RBFOX1: variants seen among roughly 807,000 people sequenced by gnomAD.
RBFOX1 encodes RNA binding protein fox-1 homolog 1.
A neutral mutation model predicts 57.7 loss-of-function variants in RBFOX1; 8 were observed. That is an observed-to-expected ratio of 0.14 (90% confidence interval 0.08 to 0.25). RBFOX1 has a LOEUF of 0.25. Among genes scored for constraint, RBFOX1 ranks in the 10% least tolerant of loss-of-function variants. The probability of loss-of-function intolerance (pLI) is 1.00; values close to 1 mark genes in which losing one functional copy is unlikely to be tolerated. For missense variants in RBFOX1, 611 were observed against 548.5 expected, an observed-to-expected ratio of 1.11 and a Z score of -1.14; for synonymous variants, 326 against 222.4, an observed-to-expected ratio of 1.47 and a Z score of -4.15.
At chr16:6,521,157 A>G (rs2096489919) in intron 2 of RBFOX1, among the ~76,000 whole-genome samples, 1 of 152,166 alleles carries the variant, frequency 6.6e-6, no homozygotes, top group Admixed American at 6.5e-5. Context: ...AATTGTGAAT[A>G]AATGGGAGAA....
intron 1 of RBFOX1, among the ~76,000 whole-genome samples, chr16:5,272,613 G>T (rs185030931): frequency 2.3e-4 from 35 of 152,248 alleles, no homozygotes; most frequent in African/African-American, 7.5e-4. Flanking sequence ...TTTCATTTCC[G>T]GGAGCATACA....
intron 6 of RBFOX1, 24 bp downstream of exon 6, chr16:7,579,944 C>T: frequency 1.2e-6 from 2 of 1,612,036 alleles, no homozygotes; most frequent in South Asian, 1.1e-5. Context: ...TTCTTCCCAG[C>T]AGTGCCCGCT....
chr16:7,069,722 G>C (rs974939370), intron 4 of RBFOX1, among the ~76,000 whole-genome samples: 1 of 152,124 alleles, frequency 6.6e-6, no homozygotes, highest in Non-Finnish European at 1.5e-5. Context: ...CAGCATCGAG[G>C]TGTGTTCTGC....
intron 2 of RBFOX1, among the ~76,000 whole-genome samples, chr16:5,530,466 A>G (rs1054501384): frequency 3.9e-5 from 6 of 152,218 alleles, no homozygotes; most frequent in African/African-American, 1.4e-4. Flanking sequence ...ACAATAGGAC[A>G]TGCATTTCAC....
intron 4 of RBFOX1, among the ~76,000 whole-genome samples, chr16:7,197,097 T>A (rs1430335196): frequency 6.6e-6 from 1 of 152,172 alleles, no homozygotes; most frequent in Non-Finnish European, 1.5e-5. Context: ...TTACTCCTGT[T>A]CCATCTCTCC....
intron 4 of RBFOX1, among the ~76,000 whole-genome samples, chr16:7,451,418 A>G (rs573964415): frequency 2.4e-4 from 36 of 152,266 alleles, no homozygotes; most frequent in East Asian, 7.7e-4. Flanking sequence ...GGTTGAGGCA[A>G]TAGGTAAGTT....
intron 3 of RBFOX1, among the ~76,000 whole-genome samples, chr16:6,918,044 T>C (rs185496810): frequency 1.3e-5 from 2 of 152,100 alleles, no homozygotes; most frequent in Non-Finnish European, 2.9e-5. Flanking sequence ...CCCAGCACTT[T>C]GGGAGGTCGA....
intron 7 of RBFOX1, among the ~76,000 whole-genome samples, chr16:7,588,264 A>C (rs1360405631): frequency 1.3e-5 from 2 of 152,216 alleles, no homozygotes; most frequent in African/African-American, 2.4e-5. Flanking sequence ...ATCAGTGGCT[A>C]ACCAAGGGTG....
At chr16:6,020,178 C>A (rs141651044) in intron 1 of RBFOX1, among the ~76,000 whole-genome samples, 186 bp downstream of exon 1, 2 of 152,050 alleles carry the variant, frequency 1.3e-5, no homozygotes, top group Non-Finnish European at 2.9e-5. Flanking sequence ...CCCCCTACCC[C>A]CAGGAGGCCG....
intron 4 of RBFOX1, among the ~76,000 whole-genome samples, chr16:7,079,006 C>T (rs1009096691): frequency 6.0e-5 from 9 of 150,632 alleles, no homozygotes; most frequent in Non-Finnish European, 8.8e-5. Context: ...TATTGTGAGG[C>T]ACTGGGAGTT....
intron 14 of RBFOX1, among the ~76,000 whole-genome samples, chr16:7,706,790 T>C (rs1007354329): frequency 1.3e-5 from 2 of 152,156 alleles, no homozygotes; most frequent in African/African-American, 4.8e-5. Context: ...CATTCCCTCA[T>C]GAAATAAAGA....
At chr16:7,366,387 A>G (rs2097448234) in intron 4 of RBFOX1, among the ~76,000 whole-genome samples, 1 of 152,186 alleles carries the variant, frequency 6.6e-6, no homozygotes. Context: ...GTTTCCAGGG[A>G]AGCTGCGCCC....
intron 2 of RBFOX1, among the ~76,000 whole-genome samples, chr16:6,545,890 G>T (rs1426162787): frequency 6.6e-6 from 1 of 152,146 alleles, no homozygotes; most frequent in Non-Finnish European, 1.5e-5. Flanking sequence ...CTGATGCCAG[G>T]CCTAAAGCTC....
chr16:6,472,286 G>A (rs1054410749), intron 2 of RBFOX1, among the ~76,000 whole-genome samples: 2 of 152,178 alleles, frequency 1.3e-5, no homozygotes, highest in African/African-American at 4.8e-5. Flanking sequence ...GCAGCGTTAG[G>A]GAGAAATGAT....
chr16:5,534,561 G>T (rs2044620265), intron 2 of RBFOX1, among the ~76,000 whole-genome samples: 1 of 152,176 alleles, frequency 6.6e-6, no homozygotes, highest in African/African-American at 2.4e-5. Context: ...AAAGCAACCA[G>T]CGCAGGAGAA....
At chr16:6,336,293 G>C (rs1054152423) in intron 2 of RBFOX1, among the ~76,000 whole-genome samples, 1 of 139,734 alleles carries the variant, frequency 7.2e-6, no homozygotes, top group Non-Finnish European at 1.5e-5. Flanking sequence ...CCGCCTCCCA[G>C]GTTCACGCCA....
intron 1 of RBFOX1, among the ~76,000 whole-genome samples, chr16:6,223,106 T>G (rs4465610): frequency 0.97 from 139,596 of 144,658 alleles, 67,523 homozygotes; most frequent in East Asian, 1. Context: ...ATCATTGTTG[T>G]ACATTTGGGT....
At chr16:7,295,632 G>A (rs2095873697) in intron 4 of RBFOX1, among the ~76,000 whole-genome samples, 1 of 152,040 alleles carries the variant, frequency 6.6e-6, no homozygotes, top group Admixed American at 6.6e-5. Flanking sequence ...TTCAGACCAA[G>A]CAGCAAGACT....
chr16:6,306,374 C>A (rs28631277), intron 1 of RBFOX1, among the ~76,000 whole-genome samples: 48,879 of 151,966 alleles, frequency 0.32, 8,251 homozygotes, highest in African/African-American at 0.43. Context: ...TGCAGGGGAC[C>A]CTGAGGGCTC....
Sources: allele counts gnomAD v4.1 joint callset (sites outside exome capture counted in the v4.1 genomes callset), GRCh38; gene constraint gnomAD v4.1.1; transcripts MANE v1.5; gene names NCBI Gene and HGNC (gene_info 2026-07-23, HGNC 2026-07-21).